Variants in DCT observed in about 807,000 individuals in gnomAD.
DCT encodes the protein L-dopachrome tautomerase.
Under a neutral mutation model 53.0 loss-of-function variants are expected in DCT, and 47 were observed. The observed-to-expected ratio is 0.89, with a 90% CI of 0.70 to 1.13. The LOEUF (loss-of-function observed/expected upper bound fraction) is 1.13, where lower values mean the gene tolerates loss of function less well. Ranked by LOEUF, DCT falls within the 50% of genes most tolerant of loss-of-function variation. The probability of loss-of-function intolerance (pLI) is 0.00; values close to 1 mark genes in which losing one functional copy is unlikely to be tolerated. For synonymous variants in DCT, 244 were observed against 237.0 expected, an observed-to-expected ratio of 1.03 and a Z score of -0.27; for missense variants, 669 against 637.4, an observed-to-expected ratio of 1.05 and a Z score of -0.53.
At chr13:94,459,153 A>G (rs142103459) in intron 6 of DCT, among the ~76,000 whole-genome samples, 205 of 152,306 alleles carry the variant, frequency 1.3e-3, no homozygotes, top group African/African-American at 4.5e-3. Flanking sequence ...TGCTGAGATT[A>G]CAGTCATGAG....
At chr13:94,533,938 T>C in the DCT span, among the ~76,000 whole-genome samples, 1 of 152,318 alleles carries the variant, frequency 6.6e-6, no homozygotes, top group Non-Finnish European at 1.5e-5. Context: ...AACATGTAAC[T>C]GTTCATTCCT....
chr13:94,485,751 T>C, the DCT span, among the ~76,000 whole-genome samples: 1 of 152,060 alleles, frequency 6.6e-6, no homozygotes, highest in Non-Finnish European at 1.5e-5. Context: ...GCTTGATAGG[T>C]GAGAAAGGGC....
chr13:94,501,224 G>C, the DCT span, among the ~76,000 whole-genome samples: 3 of 151,990 alleles, frequency 2.0e-5, no homozygotes, highest in Non-Finnish European at 4.4e-5. Flanking sequence ...AACGGAGATC[G>C]CACCACTGCA....
At chr13:94,465,832 C>T (rs1463205050) in intron 3 of DCT, 33 bp from the exon 4 acceptor site, 1 of 1,588,100 alleles carries the variant, frequency 6.3e-7, no homozygotes, top group African/African-American at 1.4e-5. Flanking sequence ...GTCATTTAAT[C>T]CATGCCATCA....
the DCT span, among the ~76,000 whole-genome samples, chr13:94,493,433 A>T: frequency 1.3e-5 from 2 of 152,224 alleles, no homozygotes; most frequent in East Asian, 3.8e-4. Flanking sequence ...TGAGAAAGGA[A>T]TTCCCAAGGC....
chr13:94,525,880 G>A, the DCT span, among the ~76,000 whole-genome samples: 1 of 152,142 alleles, frequency 6.6e-6, no homozygotes, highest in Non-Finnish European at 1.5e-5. Flanking sequence ...CTTTCTACCA[G>A]GAGTTTGCTT....
intron 1 of DCT, among the ~76,000 whole-genome samples, chr13:94,476,744 G>C (rs536095771): frequency 6.6e-6 from 1 of 152,168 alleles, no homozygotes; most frequent in Admixed American, 6.5e-5. Flanking sequence ...TCCCAAAGGC[G>C]TGAGCCACTG....
chr13:94,501,665 GGA>G, the DCT span, among the ~76,000 whole-genome samples: 3 of 151,796 alleles, frequency 2.0e-5, no homozygotes, highest in Non-Finnish European at 4.4e-5. Context: ...AGGAGAGAGA[GGA>G]GAGAGAGAGA....
chr13:94,468,128 A>G (rs1345506455), intron 2 of DCT: 1 of 152,422 alleles, frequency 6.6e-6, no homozygotes, highest in Non-Finnish European at 1.5e-5. Context: ...GAAACTCTAC[A>G]TTGCTGTGGC....
At chr13:94,445,678 A>AG (rs1307959099) in intron 6 of DCT, 11 of 1,390,484 alleles carry the variant, frequency 7.9e-6, no homozygotes, top group Non-Finnish European at 1.1e-5. Flanking sequence ...AACACAACAA[A>AG]GGAAAAAAAC....
In DCT at chr13:94,479,039, C is replaced by A. The variant is rs754900941; in HGVS notation, c.217G>T (p.Gly73Cys). Reference sequence around the variant, plus strand: ...TCCTGGTTTCGTAGGATGTAGGGACCACTCCAGGGCCTTGTGTCGGCTCGC... The same window carrying A: ...TCCTGGTTTCGTAGGATGTAGGGACAACTCCAGGGCCTTGTGTCGGCTCGC... ...EVRADTRPWS[G>C]PYILRNQDDR... The change falls in exon 1 of 8, where the codon GGT (glycine) becomes TGT (cysteine). Residue 73 changes from glycine (G) to cysteine (C), a missense_variant. By Grantham distance (159) the Gly-to-Cys change is radical (BLOSUM62 -3). Coordinates refer to ENST00000377028, the MANE Select transcript of DCT (RefSeq NM_001922.5). 6.2e-7 allele frequency: 1 copy of A among 1,614,198 alleles called. No homozygotes were observed. The highest frequency in any genetic ancestry group is 8.5e-7 in the Non-Finnish European group (1 of 1,180,014).
chr13:94,536,352 G>A, the DCT span, among the ~76,000 whole-genome samples: 1 of 152,166 alleles, frequency 6.6e-6, no homozygotes, highest in African/African-American at 2.4e-5. Context: ...TCCCAAACAT[G>A]CCTGCTAAAG....
In DCT at chr13:94,437,981, T is replaced by C. The variant is rs1412629049; in HGVS notation, c.*1917A>G. The C allele has an allele frequency of 3.9e-5, 6 of 152,226 alleles. No homozygotes were observed. The highest frequency in any genetic ancestry group is 7.3e-5 in the Non-Finnish European group (5 of 68,038). The allele number at this position is 152,226 out of a possible 1,614,324, so 9.4% of individuals were successfully genotyped here. A position where few individuals can be genotyped will look rare whatever the true frequency, so the allele number is the denominator to read the frequency against. On this transcript the variant is annotated 3_prime_UTR_variant, in exon 8 of 8. Transcript: ENST00000377028. ...ACTATGATATATGAGAATTCTGATA[T>C]ACCTGACAGATAAGCTAGAGGTGGT...
At position 94,437,922 on chromosome 13, in the gene DCT, C is replaced by G. The variant is rs1270792748; in HGVS notation, c.*1976G>C. 6.6e-6 allele frequency: 1 copy of G among 151,888 alleles called. No individual in the cohort carries two copies. Among genetic ancestry groups the G allele is most frequent in the African/African-American group, 2.4e-5 (1 of 41,400 alleles). 9.4% of individuals were successfully genotyped at this position (151,888 alleles called of 1,614,324 possible). A position where few individuals can be genotyped will look rare whatever the true frequency, so the allele number is the denominator to read the frequency against. Reference sequence around the variant, plus strand: ...ATAATCGATTACTATTTTTTCCTACCTAAGATAGATCTGCTTTAACCAAGT... The same window carrying G: ...ATAATCGATTACTATTTTTTCCTACGTAAGATAGATCTGCTTTAACCAAGT... On this transcript the variant is annotated 3_prime_UTR_variant, in exon 8 of 8. Coordinates refer to ENST00000377028, the MANE Select transcript of DCT (RefSeq NM_001922.5).
In DCT at chr13:94,437,714, G is replaced by C. The variant is rs1206751427; in HGVS notation, c.*2184C>G. On this transcript the variant is annotated 3_prime_UTR_variant, in exon 8 of 8. Transcript: ENST00000377028. ...GTAAATACCAACTTTTTATTCTGTT[G>C]GTTTATCCTACCTTAATATTTGTTA... The C allele has an allele frequency of 6.6e-6, 1 of 151,958 alleles. No homozygotes were observed. Among genetic ancestry groups the C allele is most frequent in the Non-Finnish European group, 1.5e-5 (1 of 67,982 alleles). 9.4% of individuals were successfully genotyped at this position (151,958 alleles called of 1,614,324 possible). A position where few individuals can be genotyped will look rare whatever the true frequency, so the allele number is the denominator to read the frequency against.
chr13:94,478,070 G>C (rs759433111), intron 1 of DCT, among the ~76,000 whole-genome samples: 2 of 152,090 alleles, frequency 1.3e-5, no homozygotes, highest in Non-Finnish European at 2.9e-5. Context: ...TCTAAAGGAA[G>C]GACACTGAGC....
chr13:94,484,277 C>T (rs570202466), upstream of DCT, among the ~76,000 whole-genome samples: 14 of 152,324 alleles, frequency 9.2e-5, no homozygotes, highest in East Asian at 1.9e-3. Flanking sequence ...AGCAAGTCCG[C>T]GGGCAAGACA....
chr13:94,460,812 A>C (rs1250010259), intron 5 of DCT, among the ~76,000 whole-genome samples: 1 of 152,236 alleles, frequency 6.6e-6, no homozygotes, highest in Non-Finnish European at 1.5e-5. Flanking sequence ...AGACTTTAAG[A>C]ATTATGAGAA....
At chr13:94,509,868 G>T in the DCT span, among the ~76,000 whole-genome samples, 1 of 152,134 alleles carries the variant, frequency 6.6e-6, no homozygotes, top group Non-Finnish European at 1.5e-5. Flanking sequence ...CACTGGGTCA[G>T]GAATCATGTG....
Sources: gnomAD v4.1 joint callset for allele counts (sites outside exome capture counted in the v4.1 genomes callset) on GRCh38, gnomAD v4.1.1 for gene constraint, MANE v1.5 for transcripts, NCBI Gene and HGNC (gene_info 2026-07-23, HGNC 2026-07-21) for gene names.